Variants in SNAP23 observed in about 807,000 individuals in gnomAD.
The protein encoded by SNAP23 is synaptosome associated protein 23.
A neutral mutation model predicts 29.0 loss-of-function variants in SNAP23; 11 were observed. That is an observed-to-expected ratio of 0.38 (90% confidence interval 0.24 to 0.63). SNAP23 has a LOEUF of 0.63. Ranked by LOEUF, SNAP23 falls within the 20% of genes least tolerant of loss-of-function variation. The probability of loss-of-function intolerance (pLI) is 0.58; values close to 1 mark genes in which losing one functional copy is unlikely to be tolerated. For synonymous variants in SNAP23, 60 were observed against 82.9 expected (o/e 0.72, Z 1.50); for missense variants, 220 against 253.9 (o/e 0.87, Z 0.91).
chr15:42,529,068 G>T (rs187771585), intron 6 of SNAP23, among the ~76,000 whole-genome samples: 1 of 152,272 alleles, frequency 6.6e-6, no homozygotes, highest in East Asian at 1.9e-4. Flanking sequence ...GATCTGTAAC[G>T]AGCCAGAGAG....
chr15:42,516,674 T>C (rs2057399741), intron 5 of SNAP23, among the ~76,000 whole-genome samples: 1 of 152,204 alleles, frequency 6.6e-6, no homozygotes. Context: ...TAATATTTCA[T>C]CCAGTTCTCA....
chr15:42,523,277 A>G (rs1286627123), intron 5 of SNAP23, among the ~76,000 whole-genome samples: 1 of 152,216 alleles, frequency 6.6e-6, no homozygotes, highest in Non-Finnish European at 1.5e-5. Flanking sequence ...AACTTCATTA[A>G]AATTTATCAC....
chr15:42,501,853 T>G (rs1248458368), intron 1 of SNAP23, among the ~76,000 whole-genome samples: 1 of 152,146 alleles, frequency 6.6e-6, no homozygotes, highest in Non-Finnish European at 1.5e-5. Flanking sequence ...TTATTCTCAT[T>G]TAATGAGGAA....
upstream of SNAP23, among the ~76,000 whole-genome samples, chr15:42,492,499 GAAACCCC>G (rs2057177103): frequency 2.0e-5 from 3 of 151,906 alleles, no homozygotes; most frequent in African/African-American, 7.2e-5. Flanking sequence ...CCAACATGGT[GAAACCCC>G]TTCTCTACTA....
At chr15:42,520,698 G>T (rs1393638357) in intron 5 of SNAP23, among the ~76,000 whole-genome samples, 1 of 151,992 alleles carries the variant, frequency 6.6e-6, no homozygotes, top group Non-Finnish European at 1.5e-5. Flanking sequence ...GTTTCACCGT[G>T]TTAGCCAGGA....
At chr15:42,504,216 C>G (rs1354730680) in intron 1 of SNAP23, among the ~76,000 whole-genome samples, 1 of 151,790 alleles carries the variant, frequency 6.6e-6, no homozygotes, top group Non-Finnish European at 1.5e-5. Context: ...GTGGTGGGCA[C>G]CTGTAATCCC....
upstream of SNAP23, among the ~76,000 whole-genome samples, chr15:42,492,591 T>G (rs1029167688): frequency 7.1e-6 from 1 of 140,878 alleles, no homozygotes; most frequent in Non-Finnish European, 1.5e-5. Flanking sequence ...GGAAGGAGAA[T>G]CGCTTGAACC....
rs997235709 is a variant in SNAP23, at chr15:42,501,171, C to T, written c.-15+5458C>T. 2.6e-5 allele frequency among the ~76,000 whole-genome samples: 4 copies of T among 152,236 alleles called. No homozygotes were observed. In the South Asian group the frequency reaches 6.2e-4, roughly 24 times the overall value. ...CTAGGCAGCATAGCAAAATAAATTT[C>T]AAACTTCTTGGTATAGTATACAAAG... On this transcript the variant is annotated intron_variant, in intron 1 of 7. Coordinates refer to ENST00000249647, the MANE Select transcript of SNAP23 (RefSeq NM_003825.4).
intron 4 of SNAP23, among the ~76,000 whole-genome samples, 183 bp from the exon 5 acceptor site, chr15:42,515,054 G>A (rs1041595921): frequency 1.3e-5 from 2 of 152,096 alleles, no homozygotes; most frequent in African/African-American, 4.8e-5. Flanking sequence ...AGGTGCCTCC[G>A]GATCAGTACG....
intron 1 of SNAP23, among the ~76,000 whole-genome samples, chr15:42,504,733 G>C (rs1268210584): frequency 2.0e-5 from 3 of 152,170 alleles, no homozygotes; most frequent in Non-Finnish European, 2.9e-5. Flanking sequence ...AGTTTTAGTG[G>C]TGTTAGGTAA....
upstream of SNAP23, among the ~76,000 whole-genome samples, chr15:42,494,655 A>G (rs1241251189): frequency 1.3e-5 from 2 of 151,832 alleles, no homozygotes; most frequent in Admixed American, 1.3e-4. Flanking sequence ...AGCTGGGATT[A>G]CAGGCGCCTG....
chr15:42,493,346 C>A (rs559049677), upstream of SNAP23, among the ~76,000 whole-genome samples: 17 of 151,642 alleles, frequency 1.1e-4, no homozygotes, highest in South Asian at 4.2e-4. Context: ...CTCTCTCTCT[C>A]TCTCTCTCTA....
Position 42,531,433 on chromosome 15 carries a change from T to C in SNAP23, c.591T>C (p.Arg197=), listed in dbSNP as rs1330379778. The C allele has an allele frequency of 1.3e-6, 2 of 1,593,402 alleles. No homozygotes were observed. Among genetic ancestry groups the C allele is most frequent in the Non-Finnish European group, 1.7e-6 (2 of 1,171,930 alleles). ...ITDKADTNRD[R]IDIANARAKK... ...TTCAGGCTGACACCAACAGAGATCG[T>C]ATTGATATTGCCAATGCCAGAGCAA... The change falls in exon 8 of 8, where the codon CGT becomes CGC. Residue 197 remains arginine, a synonymous_variant. Transcript: ENST00000249647.
chr15:42,517,190 G>C (rs1567046077), intron 5 of SNAP23, among the ~76,000 whole-genome samples: 1 of 152,206 alleles, frequency 6.6e-6, no homozygotes, highest in Non-Finnish European at 1.5e-5. Flanking sequence ...AAAGTGCGGG[G>C]ATTACATGCG....
intron 5 of SNAP23, among the ~76,000 whole-genome samples, chr15:42,519,267 C>T (rs188315154): frequency 0.017 from 2,560 of 151,732 alleles, 63 homozygotes; most frequent in African/African-American, 0.057. Flanking sequence ...GTTGGCCAGG[C>T]TGGTCTTGAA....
chr15:42,516,353 C>T (rs907391755), intron 5 of SNAP23, among the ~76,000 whole-genome samples: 13 of 151,442 alleles, frequency 8.6e-5, no homozygotes, highest in Admixed American at 2.0e-4. Context: ...TTTTTTGAGA[C>T]GGAGTCTCAC....
At chr15:42,523,217 A>T (rs1256987111) in intron 5 of SNAP23, among the ~76,000 whole-genome samples, 1 of 151,992 alleles carries the variant, frequency 6.6e-6, no homozygotes, top group East Asian at 1.9e-4. Context: ...CTATTAGACC[A>T]CTCAGAACTA....
At chr15:42,511,754 C>A in intron 1 of SNAP23, 79 bp from the exon 2 acceptor site, 1 of 734,136 alleles carries the variant, frequency 1.4e-6, no homozygotes, top group East Asian at 2.9e-5. Flanking sequence ...TTCCATAAAT[C>A]TACACTTTTT....
At chr15:42,502,408 G>C (rs570982921) in intron 1 of SNAP23, among the ~76,000 whole-genome samples, 5 of 152,170 alleles carry the variant, frequency 3.3e-5, no homozygotes, top group African/African-American at 7.2e-5. Context: ...AAAGTGGCTG[G>C]GTGTGGTGTC....
Sources: gnomAD v4.1 joint callset for allele counts (sites outside exome capture counted in the v4.1 genomes callset) on GRCh38, gnomAD v4.1.1 for gene constraint, MANE v1.5 for transcripts, NCBI Gene and HGNC (gene_info 2026-07-23, HGNC 2026-07-21) for gene names.